The following PDIA6 variants were observed in gnomAD, a reference collection of about 807,000 sequenced individuals.
PDIA6 encodes protein disulfide isomerase family A member 6, also known as protein disulfide-isomerase A6.
A neutral mutation model predicts 58.4 loss-of-function variants in PDIA6; 29 were observed. That is an observed-to-expected ratio of 0.50 (90% CI 0.37 to 0.68). PDIA6 has a LOEUF of 0.68. Among genes scored for constraint, PDIA6 ranks in the 30% least tolerant of loss-of-function variants. The pLI is 0.00. For synonymous variants in PDIA6, 192 were observed against 202.6 expected (o/e 0.95, Z 0.44); for missense variants, 480 against 551.0 (o/e 0.87, Z 1.29).
At position 10,801,107 on chromosome 2, in the gene PDIA6, C is replaced by T. The variant is rs537355046; in HGVS notation, c.161+1392G>A. Among the ~76,000 whole-genome samples the T allele has an allele frequency of 2.4e-4, 37 of 152,000 alleles. 1 individual carries two copies. Among genetic ancestry groups the T allele is most frequent in the Admixed American group, 1.7e-3 (26 of 15,244 alleles). The stretch of plus-strand genomic sequence containing the variant: ...CAGCTTGGACAACATGGTGAAATTC[C>T]GTCTCTATAAAAAATACAAAAATTA... On this transcript the variant is annotated intron_variant, in intron 2 of 12. Transcript: ENST00000272227.
rs1048865997 is a variant in PDIA6, at chr2:10,788,640, A to G, written c.998+57T>C. 3.0e-5 allele frequency: 35 copies of G among 1,171,256 alleles called. No homozygotes were observed. The African/African-American group carries it at 3.8e-4, about 13-fold the overall frequency. 72.6% of individuals were successfully genotyped at this position (1,171,256 alleles called of 1,614,324 possible). A position where few individuals can be genotyped will look rare whatever the true frequency, so the allele number is the denominator to read the frequency against. Reference sequence around the variant, plus strand: ...CAAAAACACGGGGGAACCACTCTCAAGAAAGCCTATAATCAGCTGTTCAGA... The same window carrying G: ...CAAAAACACGGGGGAACCACTCTCAGGAAAGCCTATAATCAGCTGTTCAGA... On this transcript the variant is annotated intron_variant, in intron 10 of 12. Transcript: ENST00000272227.
At position 10,804,997 on chromosome 2, in the gene PDIA6, GTGATTTTTGTACAT is replaced by G. The variant is rs1666673461; in HGVS notation, c.20-2371_20-2358del. ...CTGTTGTTGGTGTATAAGAATGCTT[GTGATTTTTGTACAT>G]TGATTTTGTATCCAAAAGCAATGGC... On this transcript the variant is annotated intron_variant, in intron 1 of 12. Coordinates refer to ENST00000272227, the MANE Select transcript of PDIA6 (RefSeq NM_005742.4). 4.6e-5 allele frequency among the ~76,000 whole-genome samples: 7 copies of G among 151,484 alleles called. No individual in the cohort carries two copies. The South Asian group carries it at 1.5e-3, about 32-fold the overall frequency.
At chr2:10,835,328 G>A (rs973153853), upstream of PDIA6, among the ~76,000 whole-genome samples, 3 of 152,242 alleles carry the variant, frequency 2.0e-5, no homozygotes, top group East Asian at 1.9e-4. Context: ...AAGTACCCCC[G>A]GCAGTCGGGC....
At position 10,802,500 on chromosome 2, in the gene PDIA6, A is replaced by T. The variant is rs61740757; in HGVS notation, c.160T>A (p.Trp54Arg). 8.7e-6 allele frequency: 12 copies of T among 1,377,172 alleles called. No homozygotes were observed. The highest frequency in any genetic ancestry group is 2.8e-5 in the Admixed American group (1 of 35,368). The allele number at this position is 1,377,172 out of a possible 1,614,324, so 85.3% of individuals were successfully genotyped here. ...CTACAACTATTTTATAATACTTACC[A>T]TGGAGCATAGAATTCTACAAGCCAC... ...SLWLVEFYAP[W>R]CGHCQRLTPE... Residue 54 changes from tryptophan (W) to arginine (R), a missense_variant and splice_region_variant, in exon 2 of 13, where the codon TGG (tryptophan) becomes AGG (arginine). Trp to Arg is a moderately radical substitution (Grantham distance 101, BLOSUM62 -3). Transcript: ENST00000272227.
At chr2:10,796,936 G>A in intron 4 of PDIA6, 145 bp downstream of exon 4, 1 of 704,168 alleles carries the variant, frequency 1.4e-6, no homozygotes, top group Admixed American at 2.7e-5. Context: ...GACTCGGAGG[G>A]TATAGGAATC....
intron 1 of PDIA6, among the ~76,000 whole-genome samples, chr2:10,827,962 C>G (rs139934288): frequency 6.6e-6 from 1 of 151,516 alleles, no homozygotes; most frequent in African/African-American, 2.4e-5. Context: ...TCTATTAGAG[C>G]AGTTTTAGGT....
Position 10,784,987 on chromosome 2 carries a change from C to T in PDIA6, c.1201G>A (p.Gly401Arg), listed in dbSNP as rs368202472. ...CTCTCAACGATGGTAGGGAAAGCCC[C>T]GCCTCCTACAGGTGCCGTGGAGCCA... Reference protein sequence around the residue: ...GRGSTAPVGGGAFPTIVEREP... With the variant: ...GRGSTAPVGGRAFPTIVEREP... Residue 401 changes from glycine (G) to arginine (R), a missense_variant, in exon 12 of 13, where the codon GGG (glycine) becomes AGG (arginine). Coordinates refer to ENST00000272227, the MANE Select transcript of PDIA6 (RefSeq NM_005742.4). 3.2e-5 allele frequency: 51 copies of T among 1,589,934 alleles called. 1 individual carries two copies. In the East Asian group the frequency reaches 3.6e-4, roughly 11 times the overall value.
chr2:10,821,959 T>A (rs1479617663), intron 1 of PDIA6, among the ~76,000 whole-genome samples: 2 of 150,924 alleles, frequency 1.3e-5, no homozygotes, highest in Admixed American at 1.3e-4. Context: ...AAAAAAAATT[T>A]TTTTGAGACA....
intron 4 of PDIA6, among the ~76,000 whole-genome samples, chr2:10,793,848 G>C (rs1273680804): frequency 6.6e-6 from 1 of 152,210 alleles, no homozygotes; most frequent in African/African-American, 2.4e-5. Context: ...TGAGATACCA[G>C]ATAGAAAAGA....
intron 10 of PDIA6, 39 bp downstream of exon 10, chr2:10,788,658 T>C: frequency 7.5e-7 from 1 of 1,325,206 alleles, no homozygotes; most frequent in South Asian, 1.2e-5. Flanking sequence ...TATAATCAGC[T>C]GTTCAGATGA....
intron 2 of PDIA6, among the ~76,000 whole-genome samples, chr2:10,798,572 CCAA>C (rs755696309): frequency 4.1e-5 from 4 of 97,082 alleles, no homozygotes; most frequent in Admixed American, 1.0e-4. Context: ...TGTCCCCCAC[CCAA>C]AAAAAAAAAA....
chr2:10,812,804 G>T, upstream of PDIA6: 1 of 1,198,668 alleles, frequency 8.3e-7, no homozygotes, highest in South Asian at 4.0e-5. Flanking sequence ...CCAGTCCGGT[G>T]GTCCGAGGGG....
upstream of PDIA6, among the ~76,000 whole-genome samples, chr2:10,833,319 G>A (rs116018343): frequency 0.03 from 4,548 of 152,130 alleles, 261 homozygotes; most frequent in African/African-American, 0.1. Context: ...TCCGGCTCCC[G>A]CAGTTGTTAA....
chr2:10,835,655 G>T (rs1667817705), upstream of PDIA6, among the ~76,000 whole-genome samples: 1 of 152,176 alleles, frequency 6.6e-6, no homozygotes, highest in South Asian at 2.1e-4. Context: ...CCTGGGTTTG[G>T]ATCCACCTCT....
At position 10,800,355 on chromosome 2, in the gene PDIA6, T is replaced by C. The variant is rs140252214; in HGVS notation, c.161+2144A>G. ...TTGTATTCTCAGATTACGGATGCTC[T>C]ACAGCTAAGTATTATGCAAATCTTC... On this transcript the variant is annotated intron_variant, in intron 2 of 12. Coordinates refer to ENST00000272227, the MANE Select transcript of PDIA6 (RefSeq NM_005742.4). Among the ~76,000 whole-genome samples, 327 of 152,326 alleles carry C rather than the reference T, an allele frequency of 2.1e-3. 2 individuals carry two copies. The highest frequency in any genetic ancestry group is 7.6e-3 in the African/African-American group (314 of 41,570).
At chr2:10,808,174 A>G (rs1272072107) in intron 1 of PDIA6, among the ~76,000 whole-genome samples, 1 of 152,248 alleles carries the variant, frequency 6.6e-6, no homozygotes, top group Non-Finnish European at 1.5e-5. Context: ...TGCTTTCTAG[A>G]AGGAGTATTC....
At chr2:10,788,797 A>G in intron 9 of PDIA6, 28 bp from the exon 10 acceptor site, 1 of 1,589,374 alleles carries the variant, frequency 6.3e-7, no homozygotes, top group Non-Finnish European at 8.6e-7. Flanking sequence ...AGTTTTTTAA[A>G]GGTAAAGATA....
intron 1 of PDIA6, among the ~76,000 whole-genome samples, chr2:10,823,953 C>T (rs923910238): frequency 6.6e-6 from 1 of 152,064 alleles, no homozygotes; most frequent in African/African-American, 2.4e-5. Flanking sequence ...GAAGGCCCTT[C>T]CCAGCTTTAA....
At chr2:10,810,481 A>C in intron 1 of PDIA6, 2 of 1,316,082 alleles carry the variant, frequency 1.5e-6, no homozygotes, top group Non-Finnish European at 9.7e-7. Flanking sequence ...CTTTCCGTAT[A>C]AAGACGCTCT....
Sources: gnomAD v4.1 joint callset for allele counts (sites outside exome capture counted in the v4.1 genomes callset) on GRCh38, gnomAD v4.1.1 for gene constraint, MANE v1.5 for transcripts, NCBI Gene and HGNC (gene_info 2026-07-23, HGNC 2026-07-21) for gene names.